The following XPO4 variants were observed in gnomAD, a reference collection of about 807,000 sequenced individuals.
XPO4 encodes exportin 4.
A neutral mutation model predicts 143.0 loss-of-function variants in XPO4; 39 were observed. The ratio of observed to expected loss-of-function variants is 0.27; its 90% CI spans 0.21 to 0.36. The LOEUF is 0.36. Among genes scored for constraint, XPO4 ranks in the 10% least tolerant of loss-of-function variants. The pLI is 1.00. For synonymous variants in XPO4, 439 were observed against 474.0 expected, an observed-to-expected ratio of 0.93 and a Z score of 0.96; for missense variants, 907 against 1,348.0, an observed-to-expected ratio of 0.67 and a Z score of 5.12.
intron 13 of XPO4, among the ~76,000 whole-genome samples, chr13:20,804,044 C>T (rs890928449): frequency 6.6e-6 from 1 of 152,042 alleles, no homozygotes; most frequent in Admixed American, 6.6e-5. Flanking sequence ...TTGCAAAATA[C>T]AGTAATTAAG....
chr13:20,851,952 T>G, intron 4 of XPO4: 1 of 985,316 alleles, frequency 1.0e-6, no homozygotes, highest in Non-Finnish European at 1.2e-6. Context: ...TGGGACTAGT[T>G]TTTGTGCTGG....
intron 1 of XPO4, among the ~76,000 whole-genome samples, chr13:20,878,657 C>T (rs1483897680): frequency 1.3e-5 from 2 of 152,124 alleles, no homozygotes; most frequent in South Asian, 2.1e-4. Flanking sequence ...TATAAAAGCA[C>T]GGAAGGAAGG....
intron 13 of XPO4, among the ~76,000 whole-genome samples, chr13:20,802,471 C>A (rs1201203149): frequency 6.6e-6 from 1 of 152,176 alleles, no homozygotes; most frequent in Non-Finnish European, 1.5e-5. Context: ...CCCCAACAAT[C>A]TCCCAGTACA....
At chr13:20,814,336 A>G (rs2059622241) in intron 9 of XPO4, among the ~76,000 whole-genome samples, 1 of 152,304 alleles carries the variant, frequency 6.6e-6, no homozygotes, top group African/African-American at 2.4e-5. Context: ...ATGCCTTTCT[A>G]TTATTAAAAA....
chr13:20,861,169 G>T (rs1390642352), intron 3 of XPO4, among the ~76,000 whole-genome samples: 3 of 151,836 alleles, frequency 2.0e-5, no homozygotes, highest in African/African-American at 7.3e-5. Context: ...AACATCTAAA[G>T]TATTCAATTG....
chr13:20,804,235 TTA>T (rs751785302), intron 13 of XPO4, among the ~76,000 whole-genome samples: 19 of 148,872 alleles, frequency 1.3e-4, no homozygotes, highest in East Asian at 3.9e-4. Flanking sequence ...CACACACACA[TTA>T]TATATATATA....
At chr13:20,799,378 T>G in intron 15 of XPO4, 39 bp from the exon 16 acceptor site, 1 of 1,567,152 alleles carries the variant, frequency 6.4e-7, no homozygotes, top group Middle Eastern at 1.7e-4. Context: ...TGTATTACTA[T>G]GTATATACAT....
intron 1 of XPO4, among the ~76,000 whole-genome samples, chr13:20,899,365 G>A (rs1183449346): frequency 6.6e-6 from 1 of 150,862 alleles, no homozygotes. Context: ...AAAAAAAAGA[G>A]TAAAGGTTTT....
At chr13:20,860,541 A>G (rs943129227) in intron 3 of XPO4, among the ~76,000 whole-genome samples, 1 of 152,190 alleles carries the variant, frequency 6.6e-6, no homozygotes, top group Admixed American at 6.5e-5. Context: ...ATTGTGTGCA[A>G]AACAACAAAC....
intron 1 of XPO4, among the ~76,000 whole-genome samples, chr13:20,891,456 A>C (rs2060515576): frequency 6.6e-6 from 1 of 152,238 alleles, no homozygotes; most frequent in Non-Finnish European, 1.5e-5. Flanking sequence ...CAGAGCACTT[A>C]CTATACCCCA....
At chr13:20,874,430 T>C (rs573390482) in intron 1 of XPO4, among the ~76,000 whole-genome samples, 1 of 152,368 alleles carries the variant, frequency 6.6e-6, no homozygotes, top group South Asian at 2.1e-4. Flanking sequence ...TGTTAAAATT[T>C]AATTGCCATT....
chr13:20,841,878 T>A (rs2059977994), intron 6 of XPO4, among the ~76,000 whole-genome samples: 1 of 151,674 alleles, frequency 6.6e-6, no homozygotes, highest in East Asian at 1.9e-4. Flanking sequence ...CTGCTTATCA[T>A]CAGTCTTTTT....
In XPO4 at chr13:20,898,548, G is replaced by GT. The variant is rs556823361; in HGVS notation, c.69+4121dup. 7.9e-5 allele frequency among the ~76,000 whole-genome samples: 12 copies of GT among 151,748 alleles called. No individual in the cohort carries two copies. The South Asian group carries it at 2.5e-3, about 32-fold the overall frequency. The stretch of plus-strand genomic sequence containing the variant: ...CCATTGCACTCCAGCCTGGGCAAGA[G>GT]TAAGACTGTCTCAAAAGAAAAAGGA... On this transcript the variant is annotated intron_variant, in intron 1 of 22. Coordinates refer to ENST00000255305, the MANE Select transcript of XPO4 (RefSeq NM_022459.5).
At chr13:20,872,213 C>T (rs185356361) in intron 1 of XPO4, among the ~76,000 whole-genome samples, 121 of 152,292 alleles carry the variant, frequency 7.9e-4, no homozygotes, top group African/African-American at 2.7e-3. Flanking sequence ...CTGTCAAACT[C>T]CTTACCCTTC....
chr13:20,879,015 G>C (rs769930825), intron 1 of XPO4: 34 of 816,528 alleles, frequency 4.2e-5, no homozygotes, highest in Non-Finnish European at 5.0e-5. Flanking sequence ...GCATCACTGA[G>C]CTTACAAGAA....
chr13:20,805,719 A>T (rs1482284531), intron 13 of XPO4, among the ~76,000 whole-genome samples: 1 of 152,152 alleles, frequency 6.6e-6, no homozygotes. Flanking sequence ...TCTCTCCTTT[A>T]TAAAGAGTTC....
intron 2 of XPO4, among the ~76,000 whole-genome samples, chr13:20,863,310 C>T (rs1224883617): frequency 2.6e-5 from 4 of 152,146 alleles, no homozygotes; most frequent in African/African-American, 9.7e-5. Context: ...AAGTATTAAG[C>T]TTTCAGCAGG....
intron 6 of XPO4, 59 bp downstream of exon 6, chr13:20,842,836 G>T: frequency 1.3e-6 from 2 of 1,491,780 alleles, no homozygotes; most frequent in Non-Finnish European, 1.8e-6. Context: ...ACTCCGAGCT[G>T]TAATTAAGTC....
At chr13:20,874,439 T>TTGTAATTAATAC (rs1489557288) in intron 1 of XPO4, among the ~76,000 whole-genome samples, 2 of 152,188 alleles carry the variant, frequency 1.3e-5, no homozygotes, top group Admixed American at 6.5e-5. Flanking sequence ...TTAATTGCCA[T>TTGTAATTAATAC]TGTAACAGTA....
Sources: allele counts gnomAD v4.1 joint callset (sites outside exome capture counted in the v4.1 genomes callset), GRCh38; gene constraint gnomAD v4.1.1; transcripts MANE v1.5; gene names NCBI Gene and HGNC (gene_info 2026-07-23, HGNC 2026-07-21).